The following PPP2R2B variants were observed in gnomAD, a reference collection of about 807,000 sequenced individuals.
PPP2R2B encodes serine/threonine-protein phosphatase 2A 55 kDa regulatory subunit B beta isoform.
Under a neutral mutation model 46.0 loss-of-function variants are expected in PPP2R2B, and 5 were observed. The ratio of observed to expected loss-of-function variants is 0.11; its 90% CI spans 0.06 to 0.23. The LOEUF (loss-of-function observed/expected upper bound fraction) is 0.23, where lower values mean the gene tolerates loss of function less well. Among genes scored for constraint, PPP2R2B ranks in the 10% least tolerant of loss-of-function variants. The probability of loss-of-function intolerance (pLI) is 1.00; values close to 1 mark genes in which losing one functional copy is unlikely to be tolerated. For synonymous variants in PPP2R2B, 215 were observed against 206.7 expected, an observed-to-expected ratio of 1.04 and a Z score of -0.34; for missense variants, 367 against 575.0, an observed-to-expected ratio of 0.64 and a Z score of 3.70.
intron 1 of PPP2R2B, among the ~76,000 whole-genome samples, chr5:146,926,608 T>C (rs542092124): frequency 1.3e-5 from 2 of 152,316 alleles, no homozygotes; most frequent in Admixed American, 1.3e-4. Flanking sequence ...GGTCAGCTAA[T>C]GATTGAACAT....
intron 2 of PPP2R2B, among the ~76,000 whole-genome samples, chr5:146,852,469 G>A (rs567394227): frequency 2.6e-4 from 39 of 152,208 alleles, no homozygotes; most frequent in African/African-American, 9.4e-4. Flanking sequence ...GCTCAGTCAA[G>A]TTTCCAAAAG....
At chr5:146,762,108 G>T (rs1754201557) in intron 2 of PPP2R2B, among the ~76,000 whole-genome samples, 2 of 152,176 alleles carry the variant, frequency 1.3e-5, no homozygotes, top group South Asian at 2.1e-4. Flanking sequence ...ATAATGGAAT[G>T]ATATGATTTC....
At chr5:146,994,585 G>A (rs1199878822) in intron 1 of PPP2R2B, among the ~76,000 whole-genome samples, 1 of 152,138 alleles carries the variant, frequency 6.6e-6, no homozygotes, top group Non-Finnish European at 1.5e-5. Context: ...TTAGGGTGAA[G>A]AAAGCCACTA....
At chr5:147,052,745 T>C (rs931140664) in intron 1 of PPP2R2B, among the ~76,000 whole-genome samples, 5 of 152,002 alleles carry the variant, frequency 3.3e-5, no homozygotes, top group African/African-American at 1.2e-4. Context: ...CCGCTTGCCA[T>C]GGAAACCATA....
At chr5:146,846,044 A>T (rs1759983883) in intron 2 of PPP2R2B, among the ~76,000 whole-genome samples, 1 of 152,208 alleles carries the variant, frequency 6.6e-6, no homozygotes, top group Non-Finnish European at 1.5e-5. Context: ...TTGATTACAT[A>T]TTAAAATAAT....
intron 1 of PPP2R2B, among the ~76,000 whole-genome samples, chr5:146,925,304 T>C (rs548423594): frequency 1.3e-5 from 2 of 152,342 alleles, no homozygotes; most frequent in Admixed American, 1.3e-4. Context: ...TTCCTTCCTT[T>C]GGTACATCTT....
At chr5:146,879,570 G>A (rs1323601103), upstream of PPP2R2B, among the ~76,000 whole-genome samples, 1 of 152,128 alleles carries the variant, frequency 6.6e-6, no homozygotes. Context: ...CCCACAGAGA[G>A]CCACTGCTAC....
intron 1 of PPP2R2B, among the ~76,000 whole-genome samples, chr5:146,950,646 G>A (rs1764623839): frequency 6.6e-6 from 1 of 151,990 alleles, no homozygotes; most frequent in Admixed American, 6.6e-5. Flanking sequence ...AAGAGTCACT[G>A]TTTAGGCTGT....
rs554696765 is a variant in PPP2R2B, at chr5:146,951,251, T to C, written c.79+104414A>G. Among the ~76,000 whole-genome samples, 6 of 152,194 alleles carry C rather than the reference T, an allele frequency of 3.9e-5. No homozygotes were observed. In the South Asian group the frequency reaches 1.2e-3, roughly 32 times the overall value. On this transcript the variant is annotated intron_variant, in intron 1 of 8. Coordinates refer to the PPP2R2B transcript ENST00000336640. ...ATGTATGCATTTTAAGTGTACAGTT[T>C]GATGGGTTTTGATAATTATTATACC...
chr5:147,066,302 A>G (rs891778700), intron 2 of PPP2R2B, among the ~76,000 whole-genome samples: 6 of 152,230 alleles, frequency 3.9e-5, no homozygotes, highest in Non-Finnish European at 7.3e-5. Flanking sequence ...GCAAGCATTT[A>G]TTGAATGCTG....
At chr5:146,681,356 T>C (rs754936683) in intron 5 of PPP2R2B, among the ~76,000 whole-genome samples, 28 of 152,324 alleles carry the variant, frequency 1.8e-4, no homozygotes, top group Middle Eastern at 6.8e-3. Flanking sequence ...TCTTGAGCAA[T>C]GCCCTGCTTG....
chr5:146,653,901 A>G (rs1232254855), intron 5 of PPP2R2B, among the ~76,000 whole-genome samples: 1 of 152,158 alleles, frequency 6.6e-6, no homozygotes, highest in African/African-American at 2.4e-5. Flanking sequence ...TCCCAGGCCT[A>G]CGTCAAGGCT....
chr5:146,691,530 C>T (rs1179993603), intron 4 of PPP2R2B, among the ~76,000 whole-genome samples: 1 of 152,116 alleles, frequency 6.6e-6, no homozygotes, highest in Non-Finnish European at 1.5e-5. Context: ...ATTTATTGAG[C>T]ATTGAATAAT....
intron 2 of PPP2R2B, among the ~76,000 whole-genome samples, chr5:146,877,525 T>C (rs1166606444): frequency 6.6e-6 from 1 of 152,062 alleles, no homozygotes; most frequent in Non-Finnish European, 1.5e-5. Flanking sequence ...GTTTTGATTG[T>C]CTAAGCAGGT....
intron 1 of PPP2R2B, among the ~76,000 whole-genome samples, chr5:146,970,328 C>T (rs753074282): frequency 3.6e-4 from 54 of 151,852 alleles, no homozygotes; most frequent in South Asian, 2.1e-4. Flanking sequence ...CAGCCGGGTG[C>T]GGTGGTTCAT....
chr5:146,971,705 A>G (rs1408818227), intron 1 of PPP2R2B, among the ~76,000 whole-genome samples: 2 of 152,234 alleles, frequency 1.3e-5, no homozygotes, highest in East Asian at 1.9e-4. Flanking sequence ...TCTTCCAAAA[A>G]TGTATGAAAT....
At chr5:146,960,162 C>T (rs186649802) in intron 1 of PPP2R2B, among the ~76,000 whole-genome samples, 4 of 152,258 alleles carry the variant, frequency 2.6e-5, no homozygotes, top group Admixed American at 2.0e-4. Context: ...TATAATTCTC[C>T]CTCCTAGGTT....
intron 1 of PPP2R2B, among the ~76,000 whole-genome samples, chr5:147,015,762 A>C (rs1175044230): frequency 6.7e-6 from 1 of 149,652 alleles, no homozygotes; most frequent in Non-Finnish European, 1.5e-5. Context: ...ATATAATATA[A>C]TATAAAATAA....
At chr5:146,889,418 A>C (rs1039822038) in intron 1 of PPP2R2B, among the ~76,000 whole-genome samples, 6 of 152,222 alleles carry the variant, frequency 3.9e-5, no homozygotes, top group African/African-American at 1.4e-4. Flanking sequence ...TCAATCTTGT[A>C]TATAATCAGT....
Sources: gnomAD v4.1 joint callset for allele counts (sites outside exome capture counted in the v4.1 genomes callset) on GRCh38, gnomAD v4.1.1 for gene constraint, MANE v1.5 for transcripts, NCBI Gene and HGNC (gene_info 2026-07-23, HGNC 2026-07-21) for gene names.